SCARA3: variants seen among roughly 807,000 people sequenced by gnomAD.
The protein encoded by SCARA3 is scavenger receptor class A member 3, also known as cellular stress response gene protein.
SCARA3 carries 39 observed loss-of-function variants against 47.0 expected under a neutral mutation model. That is an observed-to-expected ratio of 0.83 (90% CI 0.64 to 1.08). The LOEUF (loss-of-function observed/expected upper bound fraction) is 1.08, where lower values mean the gene tolerates loss of function less well. Ranked by LOEUF, SCARA3 falls within the 50% of genes least tolerant of loss-of-function variation. The probability of loss-of-function intolerance (pLI) is 0.00; values close to 1 mark genes in which losing one functional copy is unlikely to be tolerated. For missense variants in SCARA3, 724 were observed against 792.3 expected (o/e 0.91, Z 1.04); for synonymous variants, 356 against 334.1 (o/e 1.07, Z -0.71).
At chr8:27,655,835 A>G (rs34675011) in intron 3 of SCARA3, among the ~76,000 whole-genome samples, 1 of 152,346 alleles carries the variant, frequency 6.6e-6, no homozygotes, top group East Asian at 1.9e-4. Flanking sequence ...AAAGTGATTT[A>G]ACCCTGGATG....
At chr8:27,678,986 G>A (rs959549281), downstream of SCARA3, among the ~76,000 whole-genome samples, 4 of 152,096 alleles carry the variant, frequency 2.6e-5, no homozygotes, top group South Asian at 2.1e-4. Context: ...TCAGGAGTTC[G>A]AGACCACCTT....
the SCARA3 span, among the ~76,000 whole-genome samples, chr8:27,686,632 T>A: frequency 6.6e-6 from 1 of 152,202 alleles, no homozygotes; most frequent in Admixed American, 6.5e-5. Context: ...CTTCTGCATG[T>A]ACCATTTATT....
chr8:27,696,613 C>T, the SCARA3 span, among the ~76,000 whole-genome samples: 2,996 of 101,838 alleles, frequency 0.029, 111 homozygotes, highest in African/African-American at 0.087. Flanking sequence ...ACACACCTGG[C>T]TAATTTTTTT....
At chr8:27,730,351 G>T in the SCARA3 span, among the ~76,000 whole-genome samples, 1 of 152,068 alleles carries the variant, frequency 6.6e-6, no homozygotes, top group Non-Finnish European at 1.5e-5. Context: ...TTTTCTCTTG[G>T]ATTACAAGCC....
the SCARA3 span, among the ~76,000 whole-genome samples, chr8:27,683,894 G>T: frequency 1.3e-5 from 2 of 151,838 alleles, no homozygotes; most frequent in Non-Finnish European, 2.9e-5. Flanking sequence ...TATAAGGAAT[G>T]ACATGAAAAA....
At chr8:27,660,572 A>G (rs1563410113) in intron 5 of SCARA3, among the ~76,000 whole-genome samples, 1 of 151,764 alleles carries the variant, frequency 6.6e-6, no homozygotes, top group Non-Finnish European at 1.5e-5. Context: ...ATAGATAGAT[A>G]GATGATAGAT....
rs999584804 is a variant in SCARA3, at chr8:27,658,752, C to G, written c.582C>G (p.Gly194=). The G allele has an allele frequency of 6.2e-7, 1 of 1,613,980 alleles. No homozygotes were observed. The highest frequency in any genetic ancestry group is 8.5e-7 in the Non-Finnish European group (1 of 1,179,958). ...GGCTCTTCCTGGCCCAGGTGAGAGG[C>G]TGGCAGGCCACCACAGCTGGCCTGG... is the stretch of plus-strand genomic sequence containing the variant. ...SLGLFLAQVR[G]WQATTAGLDL... is the part of the protein sequence containing the mutation. The change falls in exon 5 of 6, where the codon GGC becomes GGG. Residue 194 remains glycine (G), a synonymous_variant. Coordinates refer to ENST00000301904, the MANE Select transcript of SCARA3 (RefSeq NM_016240.3).
the SCARA3 span, among the ~76,000 whole-genome samples, chr8:27,711,492 C>T: frequency 6.6e-6 from 1 of 152,174 alleles, no homozygotes; most frequent in African/African-American, 2.4e-5. Context: ...GGAATGATAA[C>T]ATCTTCTTGG....
At chr8:27,696,484 C>T in the SCARA3 span, among the ~76,000 whole-genome samples, 1 of 151,790 alleles carries the variant, frequency 6.6e-6, no homozygotes, top group Non-Finnish European at 1.5e-5. Context: ...GAGACAGAGT[C>T]TCACTCTGTC....
At chr8:27,707,025 A>G in the SCARA3 span, among the ~76,000 whole-genome samples, 15 of 152,274 alleles carry the variant, frequency 9.9e-5, no homozygotes, top group East Asian at 2.3e-3. Flanking sequence ...TAGGAGAAAA[A>G]GAACAGAAGA....
At chr8:27,720,215 G>A in the SCARA3 span, among the ~76,000 whole-genome samples, 1 of 143,188 alleles carries the variant, frequency 7.0e-6, no homozygotes, top group African/African-American at 2.5e-5. Flanking sequence ...TAAGAAACAG[G>A]AGGGTGCTGA....
Position 27,671,638 on chromosome 8 carries a change from GCATGCACACACACATGCACGCACACACA to G in SCARA3, c.*298_*325del. 8.7e-7 allele frequency: 1 copy of G among 1,143,166 alleles called. No individual in the cohort carries two copies. Among genetic ancestry groups the G allele is most frequent in the Non-Finnish European group, 1.1e-6 (1 of 924,952 alleles). The allele number at this position is 1,143,166 out of a possible 1,614,324, so 70.8% of individuals were successfully genotyped here. A position where few individuals can be genotyped will look rare whatever the true frequency, so the allele number is the denominator to read the frequency against. On this transcript the variant is annotated 3_prime_UTR_variant, in exon 6 of 6. Coordinates refer to ENST00000301904, the MANE Select transcript of SCARA3 (RefSeq NM_016240.3). ...CATGCACACATACACAGGCATACAT[GCATGCACACACACATGCACGCACACACA>G]CATGCACACATACACGTGCACACAT...
the SCARA3 span, among the ~76,000 whole-genome samples, chr8:27,710,050 G>A: frequency 6.6e-6 from 1 of 152,142 alleles, no homozygotes; most frequent in African/African-American, 2.4e-5. Context: ...CCAACATGCT[G>A]AAACCGCGTC....
chr8:27,721,854 T>C, the SCARA3 span, among the ~76,000 whole-genome samples: 1 of 152,166 alleles, frequency 6.6e-6, no homozygotes, highest in Non-Finnish European at 1.5e-5. Context: ...GGTGGATCAC[T>C]TGGCCAAACT....
chr8:27,638,387 G>C (rs35485144), intron 1 of SCARA3, among the ~76,000 whole-genome samples: 3,022 of 151,654 alleles, frequency 0.02, 130 homozygotes, highest in African/African-American at 0.071. Flanking sequence ...CCCTGTCATA[G>C]GCCAGCTTTA....
At chr8:27,694,151 C>T in the SCARA3 span, among the ~76,000 whole-genome samples, 370 of 152,286 alleles carry the variant, frequency 2.4e-3, 2 homozygotes, top group African/African-American at 8.5e-3. Flanking sequence ...TGGTCTTGGA[C>T]ATGTTGCCTT....
chr8:27,717,700 G>A, the SCARA3 span, among the ~76,000 whole-genome samples: 3 of 152,074 alleles, frequency 2.0e-5, no homozygotes, highest in South Asian at 4.1e-4. Flanking sequence ...CAGGATAATC[G>A]CTTGAACCCG....
At chr8:27,673,639 C>T (rs552164827), downstream of SCARA3, among the ~76,000 whole-genome samples, 267 of 152,242 alleles carry the variant, frequency 1.8e-3, 1 homozygote, top group Middle Eastern at 3.4e-3. Context: ...TGGACCTCAC[C>T]GCTTCCTCTA....
chr8:27,724,006 G>A, the SCARA3 span, among the ~76,000 whole-genome samples: 5 of 152,196 alleles, frequency 3.3e-5, no homozygotes, highest in Non-Finnish European at 7.3e-5. Context: ...GAAGTGCTGG[G>A]ATTATAGGCG....
Sources: allele counts gnomAD v4.1 joint callset (sites outside exome capture counted in the v4.1 genomes callset), GRCh38; gene constraint gnomAD v4.1.1; transcripts MANE v1.5; gene names NCBI Gene and HGNC (gene_info 2026-07-23, HGNC 2026-07-21).